The following CAST variants were observed in gnomAD, a reference collection of about 807,000 sequenced individuals.
CAST encodes calpastatin.
In CAST, 76 loss-of-function variants were observed where a neutral mutation model predicts 119.6. That is an observed-to-expected ratio of 0.64 (90% CI 0.53 to 0.77). CAST has a LOEUF of 0.77. Among genes scored for constraint, CAST ranks in the 30% least tolerant of loss-of-function variants. The pLI, the probability that CAST is intolerant of heterozygous loss-of-function variation, is 0.00. For synonymous variants in CAST, 319 were observed against 331.6 expected (o/e 0.96, Z 0.41); for missense variants, 953 against 946.5 (o/e 1.01, Z -0.09).
intron 1 of CAST, among the ~76,000 whole-genome samples, chr5:96,618,801 G>C (rs532742201): frequency 6.6e-6 from 1 of 152,176 alleles, no homozygotes; most frequent in Non-Finnish European, 1.5e-5. Context: ...CCCCCACCCC[G>C]TGGGCTCCCG....
intron 1 of CAST, among the ~76,000 whole-genome samples, chr5:96,591,702 T>A (rs954875397): frequency 6.6e-6 from 1 of 152,198 alleles, no homozygotes; most frequent in African/African-American, 2.4e-5. Flanking sequence ...TTCCTTGGCA[T>A]AATAAATTTA....
At chr5:96,558,174 C>T (rs1337561543) in intron 1 of CAST, among the ~76,000 whole-genome samples, 1 of 152,070 alleles carries the variant, frequency 6.6e-6, no homozygotes, top group East Asian at 1.9e-4. Flanking sequence ...AAAGACACAA[C>T]ATATCAGAAT....
intron 1 of CAST, among the ~76,000 whole-genome samples, chr5:96,627,164 A>G (rs1286051335): frequency 6.6e-6 from 1 of 152,240 alleles, no homozygotes; most frequent in African/African-American, 2.4e-5. Context: ...CAATGGCTCC[A>G]TTCAACTTTG....
At chr5:96,384,638 A>G in the CAST span, among the ~76,000 whole-genome samples, 1 of 152,208 alleles carries the variant, frequency 6.6e-6, no homozygotes, top group Non-Finnish European at 1.5e-5. Flanking sequence ...GTAAGCTCTC[A>G]GAAATAATCA....
chr5:96,419,553 A>T, the CAST span, among the ~76,000 whole-genome samples: 1 of 151,394 alleles, frequency 6.6e-6, no homozygotes, highest in Non-Finnish European at 1.5e-5. Context: ...TTTCCTCAAG[A>T]TCACCCAACT....
intron 1 of CAST, among the ~76,000 whole-genome samples, chr5:96,617,809 A>C (rs1485295065): frequency 4.4e-4 from 61 of 137,494 alleles, no homozygotes; most frequent in Non-Finnish European, 8.1e-4. Flanking sequence ...AAAAAAAAAA[A>C]AAAAAAAAAA....
the CAST span, among the ~76,000 whole-genome samples, chr5:96,499,029 GAA>G: frequency 0.22 from 24,128 of 109,602 alleles, 2,502 homozygotes; most frequent in African/African-American, 0.34. Context: ...CATTGTGCAG[GAA>G]AAAAAAAAAA....
chr5:96,168,199 G>T, the CAST span, among the ~76,000 whole-genome samples: 1 of 152,202 alleles, frequency 6.6e-6, no homozygotes, highest in African/African-American at 2.4e-5. Context: ...AAACTGCCAT[G>T]AGGGATAGAA....
At chr5:96,122,396 A>C in the CAST span, among the ~76,000 whole-genome samples, 1 of 152,136 alleles carries the variant, frequency 6.6e-6, no homozygotes, top group Non-Finnish European at 1.5e-5. Flanking sequence ...TTATAACTCA[A>C]CTCTGGAACC....
chr5:96,705,946 C>T (rs749252040), intron 3 of CAST, among the ~76,000 whole-genome samples: 5 of 152,182 alleles, frequency 3.3e-5, no homozygotes, highest in Non-Finnish European at 7.3e-5. Context: ...GAAAAGTTAT[C>T]ACACACTAAA....
At chr5:96,432,224 C>A in the CAST span, 1 of 1,080,888 alleles carries the variant, frequency 9.3e-7, no homozygotes, top group South Asian at 1.4e-5. Context: ...CCTAGAGAGT[C>A]GCGGGGATAG....
At chr5:96,379,894 G>GAGTGCC in the CAST span, among the ~76,000 whole-genome samples, 1 of 152,286 alleles carries the variant, frequency 6.6e-6, no homozygotes, top group South Asian at 2.1e-4. Flanking sequence ...GTTATTACCT[G>GAGTGCC]AGTGCCAGTG....
chr5:96,545,602 G>A (rs998182625), intron 1 of CAST, among the ~76,000 whole-genome samples: 1 of 152,192 alleles, frequency 6.6e-6, no homozygotes, highest in African/African-American at 2.4e-5. Context: ...TATCAGGGCT[G>A]TGTTGGTCTC....
intron 1 of CAST, among the ~76,000 whole-genome samples, chr5:96,570,131 C>T (rs1746544597): frequency 6.6e-6 from 1 of 152,224 alleles, no homozygotes; most frequent in Non-Finnish European, 1.5e-5. Context: ...AGTTTATGAA[C>T]TTGTCTGTCT....
chr5:96,200,297 A>G, the CAST span, among the ~76,000 whole-genome samples: 1 of 152,174 alleles, frequency 6.6e-6, no homozygotes, highest in Non-Finnish European at 1.5e-5. Flanking sequence ...AGAAAGCAGT[A>G]GATGTCCTCC....
the CAST span, among the ~76,000 whole-genome samples, chr5:96,218,558 G>A: frequency 2.0e-5 from 3 of 152,074 alleles, no homozygotes; most frequent in Admixed American, 6.6e-5. Context: ...CTTGGCTAAG[G>A]CCCTGCCTCA....
At chr5:96,397,836 C>A in the CAST span, among the ~76,000 whole-genome samples, 1 of 152,006 alleles carries the variant, frequency 6.6e-6, no homozygotes, top group South Asian at 2.1e-4. Flanking sequence ...ATGAAACTAT[C>A]ATTTCTGAAG....
At chr5:95,964,552 G>C in the CAST span, among the ~76,000 whole-genome samples, 3 of 152,174 alleles carry the variant, frequency 2.0e-5, no homozygotes, top group Non-Finnish European at 2.9e-5. Flanking sequence ...AAAGAAAGGA[G>C]AAGTCTGAAG....
chr5:96,473,771 G>T, the CAST span, among the ~76,000 whole-genome samples: 2 of 152,162 alleles, frequency 1.3e-5, no homozygotes, highest in African/African-American at 4.8e-5. Flanking sequence ...CTGACTGGGC[G>T]CATGACTGGT....
Sources: gnomAD v4.1 joint callset for allele counts (sites outside exome capture counted in the v4.1 genomes callset) on GRCh38, gnomAD v4.1.1 for gene constraint, MANE v1.5 for transcripts, NCBI Gene and HGNC (gene_info 2026-07-23, HGNC 2026-07-21) for gene names.